Variants in MRTFB observed in about 807,000 individuals in gnomAD.
MRTFB encodes myocardin related transcription factor B.
A neutral mutation model predicts 104.2 loss-of-function variants in MRTFB; 29 were observed. The ratio of observed to expected loss-of-function variants is 0.28; its 90% CI spans 0.21 to 0.38. MRTFB has a LOEUF of 0.38. Ranked by LOEUF, MRTFB falls within the 10% of genes least tolerant of loss-of-function variation. The pLI, the probability that MRTFB is intolerant of heterozygous loss-of-function variation, is 1.00. For missense variants in MRTFB, 1,270 were observed against 1,341.6 expected (o/e 0.95, Z 0.83); for synonymous variants, 535 against 519.5 (o/e 1.03, Z -0.41).
intron 2 of MRTFB, among the ~76,000 whole-genome samples, chr16:14,130,160 C>T (rs1484069413): frequency 6.6e-6 from 1 of 152,124 alleles, no homozygotes; most frequent in Non-Finnish European, 1.5e-5. Context: ...ATCCTTTGCC[C>T]ATTTTTAAAT....
the MRTFB span, among the ~76,000 whole-genome samples, chr16:14,014,624 C>T: frequency 6.6e-6 from 1 of 152,010 alleles, no homozygotes; most frequent in African/African-American, 2.4e-5. Flanking sequence ...GAGGCCAAGA[C>T]AGGTGGATCA....
intron 3 of MRTFB, among the ~76,000 whole-genome samples, chr16:14,194,697 CTTTTCT>C (rs1567440457): frequency 7.2e-6 from 1 of 138,096 alleles, no homozygotes; most frequent in African/African-American, 2.9e-5. Context: ...TTTTTGTATG[CTTTTCT>C]TTTTTTTTTT....
At chr16:14,078,667 C>T (rs539323708) in intron 1 of MRTFB, among the ~76,000 whole-genome samples, 2 of 151,654 alleles carry the variant, frequency 1.3e-5, no homozygotes, top group East Asian at 1.9e-4. Context: ...AGGGCTCAAG[C>T]GATTTGCCCA....
At chr16:14,188,611 A>C (rs1218493788) in intron 3 of MRTFB, among the ~76,000 whole-genome samples, 1 of 152,216 alleles carries the variant, frequency 6.6e-6, no homozygotes, top group Non-Finnish European at 1.5e-5. Flanking sequence ...TAATAGTATA[A>C]TGGCAAAACA....
intron 3 of MRTFB, among the ~76,000 whole-genome samples, chr16:14,145,022 AG>A (rs2142681323): frequency 6.7e-6 from 1 of 148,396 alleles, no homozygotes; most frequent in African/African-American, 2.4e-5. Flanking sequence ...AACTTTTGTC[AG>A]TTTCAAAATA....
the MRTFB span, among the ~76,000 whole-genome samples, chr16:14,045,290 T>C: frequency 6.6e-6 from 1 of 152,188 alleles, no homozygotes; most frequent in Non-Finnish European, 1.5e-5. Context: ...GCAAAAGCTG[T>C]TCTGCTTTTG....
the MRTFB span, among the ~76,000 whole-genome samples, chr16:14,020,100 T>C: frequency 1.3e-5 from 2 of 152,160 alleles, no homozygotes; most frequent in Non-Finnish European, 2.9e-5. Flanking sequence ...ATCCTCATTC[T>C]GGCCAAACTG....
chr16:14,205,806 T>C (rs2151140197), intron 3 of MRTFB, among the ~76,000 whole-genome samples: 1 of 152,312 alleles, frequency 6.6e-6, no homozygotes, highest in Non-Finnish European at 1.5e-5. Context: ...TTACTCAACT[T>C]ACTAAGAAGA....
At chr16:14,123,058 T>G (rs2036933375) in intron 2 of MRTFB, among the ~76,000 whole-genome samples, 1 of 152,272 alleles carries the variant, frequency 6.6e-6, no homozygotes, top group Non-Finnish European at 1.5e-5. Context: ...CGAGCATTTT[T>G]TCATATGTTT....
the MRTFB span, among the ~76,000 whole-genome samples, chr16:14,061,302 A>C: frequency 6.6e-6 from 1 of 152,056 alleles, no homozygotes; most frequent in African/African-American, 2.4e-5. Context: ...AGAGATACTT[A>C]CTCTCTCCAT....
At chr16:14,029,082 G>T in the MRTFB span, among the ~76,000 whole-genome samples, 5 of 152,104 alleles carry the variant, frequency 3.3e-5, no homozygotes, top group East Asian at 9.7e-4. Context: ...ACTTCAGGAG[G>T]CCAAGGCAGG....
intron 8 of MRTFB, among the ~76,000 whole-genome samples, chr16:14,220,191 G>A (rs1443447254): frequency 6.6e-6 from 1 of 152,188 alleles, no homozygotes; most frequent in Non-Finnish European, 1.5e-5. Context: ...GAGCAAGGGA[G>A]ACTAAACCCT....
chr16:14,177,290 A>G lies in MRTFB; in HGVS notation c.155-32953A>G, dbSNP rs750565352. On this transcript the variant is annotated intron_variant, in intron 3 of 16. Transcript: ENST00000571589. The surrounding 1 kb of genome is among the most constrained non-coding windows in gnomAD (Gnocchi z 4.7). ...TTGAGTGGCATTTGTTTATTCATAG[A>G]GGCAGCATTAATTAAGCAGGCATAG... Among the ~76,000 whole-genome samples, 16 of 152,172 alleles carry G rather than the reference A, an allele frequency of 1.1e-4. No homozygotes were observed. The highest frequency in any genetic ancestry group is 2.4e-4 in the Non-Finnish European group (16 of 68,038).
intron 9 of MRTFB, among the ~76,000 whole-genome samples, chr16:14,239,411 A>C (rs1439549486): frequency 6.6e-6 from 1 of 152,254 alleles, no homozygotes; most frequent in Non-Finnish European, 1.5e-5. Flanking sequence ...AATATAGATA[A>C]TGTGATCATA....
the MRTFB span, among the ~76,000 whole-genome samples, chr16:14,021,975 G>T: frequency 6.6e-6 from 1 of 152,082 alleles, no homozygotes; most frequent in Non-Finnish European, 1.5e-5. Context: ...ATTCCTTAAA[G>T]AACTAAAAGT....
chr16:14,241,699 G>A (rs892571436), intron 10 of MRTFB, among the ~76,000 whole-genome samples: 1 of 152,146 alleles, frequency 6.6e-6, no homozygotes, highest in Non-Finnish European at 1.5e-5. Flanking sequence ...TCTTGAGGAA[G>A]ATTAAACCTA....
chr16:14,122,083 A>G (rs946291144), intron 2 of MRTFB, among the ~76,000 whole-genome samples: 1 of 151,986 alleles, frequency 6.6e-6, no homozygotes, highest in African/African-American at 2.4e-5. Context: ...GCAGCCTGCC[A>G]GGCTGCCTCC....
intron 8 of MRTFB, among the ~76,000 whole-genome samples, chr16:14,220,512 A>G (rs2041644807): frequency 1.3e-5 from 2 of 152,308 alleles, no homozygotes; most frequent in South Asian, 4.1e-4. Flanking sequence ...CCATACTCTT[A>G]AAACGTGGTC....
chr16:14,135,884 T>G (rs2037691747), intron 2 of MRTFB, among the ~76,000 whole-genome samples: 1 of 152,196 alleles, frequency 6.6e-6, no homozygotes, highest in African/African-American at 2.4e-5. Context: ...TTCCTTTTAC[T>G]GATGAGAAAA....
Sources: allele counts gnomAD v4.1 joint callset (sites outside exome capture counted in the v4.1 genomes callset), GRCh38; gene constraint gnomAD v4.1.1; non-coding constraint Gnocchi (gnomAD v3.1); transcripts MANE v1.5; gene names NCBI Gene and HGNC (gene_info 2026-07-23, HGNC 2026-07-21).